RPL36A: variants seen among roughly 807,000 people sequenced by gnomAD.
RPL36A encodes the protein ribosomal protein L36a.
For missense variants in RPL36A, 20 were observed against 81.0 expected, an observed-to-expected ratio of 0.25 and a Z score of 2.89; for synonymous variants, 25 against 28.5, an observed-to-expected ratio of 0.88 and a Z score of 0.39.
Position 101,391,512 on chromosome X carries a change from A to G in RPL36A, c.57A>G (p.Gln19=), listed in dbSNP as rs1188097642. Residue 19 remains glutamine (Q), a synonymous_variant, in exon 2 of 5, where the codon CAA becomes CAG. Transcript: ENST00000553110. ...TCTGTAAGAAGTGTGGCAAGCACCA[A>G]CCCCATAAAGTGACACAGTACAAGA... The part of the protein sequence containing the change: ...RTFCKKCGKH[Q]PHKVTQYKKG... The G allele has an allele frequency of 7.4e-6, 9 of 1,210,050 alleles. No individual in the cohort carries two copies. The highest frequency in any genetic ancestry group is 5.3e-5 in the South Asian group (3 of 56,842).
intron 3 of RPL36A, among the ~76,000 whole-genome samples, chrX:101,394,775 A>ATT (rs1491516704): frequency 4.9e-5 from 4 of 81,631 alleles, no homozygotes; most frequent in African/African-American, 1.6e-4. Flanking sequence ...TTATATATAT[A>ATT]ATATATATAT....
intron 1 of RPL36A, 106 bp from the exon 2 acceptor site, chrX:101,391,353 G>T (rs1927793062): frequency 1.2e-5 from 12 of 966,842 alleles, no homozygotes; most frequent in Non-Finnish European, 1.8e-5. Flanking sequence ...GAGGTAGCAA[G>T]TAATGAGGAG....
At chrX:101,394,792 T>TATA (rs1569301550) in intron 3 of RPL36A, among the ~76,000 whole-genome samples, 1 of 54,009 alleles carries the variant, frequency 1.9e-5, no homozygotes, top group African/African-American at 1.7e-4. Flanking sequence ...ATATATATAT[T>TATA]TTTTTTTTTT....
In RPL36A at chrX:101,391,542, C is replaced by T; in HGVS notation, c.87C>T (p.Gly29=). ...QPHKVTQYKK[G]KDSLYAQGKR... Reference sequence around the variant, plus strand: ...ATAAAGTGACACAGTACAAGAAGGGCAAGGATTCTCTGTACGCCCAGGGTA... The same window carrying T: ...ATAAAGTGACACAGTACAAGAAGGGTAAGGATTCTCTGTACGCCCAGGGTA... Residue 29 remains glycine, a synonymous_variant, in exon 2 of 5, where the codon GGC becomes GGT. Transcript: ENST00000553110. The T allele has an allele frequency of 8.3e-7, 1 of 1,211,562 alleles. No individual in the cohort carries two copies. The highest frequency in any genetic ancestry group is 1.1e-6 in the Non-Finnish European group (1 of 895,326).
At chrX:101,392,611 G>T in intron 3 of RPL36A, 2 of 754,410 alleles carry the variant, frequency 2.7e-6, no homozygotes, top group Admixed American at 1.7e-4. Flanking sequence ...ACTAGCAGCA[G>T]CAGAACTCTG....
Position 101,395,854 on chromosome X carries a change from TC to T in RPL36A, c.*108del. On this transcript the variant is annotated 3_prime_UTR_variant, in exon 5 of 5. Transcript: ENST00000553110. ...AATAAGCTAGAGCCATCAATACAAT[TC>T]CGCTTGTGGGGAAATTTATGCCTCT... 1.3e-6 allele frequency: 1 copy of T among 789,771 alleles called. No homozygotes were observed. The highest frequency in any genetic ancestry group is 2.6e-5 in the South Asian group (1 of 38,457). 65.1% of individuals were successfully genotyped at this position (789,771 alleles called of 1,213,427 possible). A position where few individuals can be genotyped will look rare whatever the true frequency, so the allele number is the denominator to read the frequency against.
chrX:101,392,062 G>A, intron 3 of RPL36A: 2 of 1,150,240 alleles, frequency 1.7e-6, no homozygotes, highest in South Asian at 3.9e-5. Context: ...GCAAAAAATT[G>A]AGGAATGTGC....
In RPL36A at chrX:101,395,852, A is replaced by G. The variant is rs887835371; in HGVS notation, c.*104A>G. On this transcript the variant is annotated 3_prime_UTR_variant, in exon 5 of 5. Transcript: ENST00000553110. ...GGAATAAGCTAGAGCCATCAATACA[A>G]TTCCGCTTGTGGGGAAATTTATGCC... 30 of 795,299 alleles carry G rather than the reference A, an allele frequency of 3.8e-5. No individual in the cohort carries two copies. The highest frequency in any genetic ancestry group is 6.5e-5 in the East Asian group (2 of 30,935). 65.5% of individuals were successfully genotyped at this position (795,299 alleles called of 1,213,427 possible).
rs781925916 is a variant in RPL36A, at chrX:101,391,927, G to A, written c.177+105G>A. 5 of 1,187,963 alleles carry A rather than the reference G, an allele frequency of 4.2e-6. No homozygotes were observed. The South Asian group carries it at 5.6e-5, about 13-fold the overall frequency. On this transcript the variant is annotated intron_variant, in intron 3 of 4. Coordinates refer to ENST00000553110, the MANE Select transcript of RPL36A (RefSeq NM_021029.6). Reference sequence around the variant, plus strand: ...GATATAGGTATAGCGTTAGTTTAGCGAAGTTTTCACTGCACTGATATATCT... The same window carrying A: ...GATATAGGTATAGCGTTAGTTTAGCAAAGTTTTCACTGCACTGATATATCT...
chrX:101,391,899 C>T, intron 3 of RPL36A, 77 bp downstream of exon 3: 1 of 1,194,008 alleles, frequency 8.4e-7, no homozygotes, highest in Non-Finnish European at 1.1e-6. Context: ...CCACACACTT[C>T]ATGATATAGG....
intron 3 of RPL36A, among the ~76,000 whole-genome samples, chrX:101,394,775 A>AATATAT (rs1400063594): frequency 4.9e-5 from 4 of 81,629 alleles, no homozygotes; most frequent in Admixed American, 3.0e-4. Flanking sequence ...TTATATATAT[A>AATATAT]ATATATATAT....
intron 3 of RPL36A, among the ~76,000 whole-genome samples, chrX:101,394,101 G>A (rs947690648): frequency 4.5e-5 from 5 of 111,334 alleles, no homozygotes; most frequent in Non-Finnish European, 9.4e-5. Context: ...AGGCCAAGGC[G>A]GGTGTATCAC....
In RPL36A at chrX:101,391,014, T is replaced by A. The variant is rs1927770936; in HGVS notation, c.-30T>A. 1 of 1,210,974 alleles carries A rather than the reference T, an allele frequency of 8.3e-7. No homozygotes were observed. Among genetic ancestry groups the A allele is most frequent in the Non-Finnish European group, 1.1e-6 (1 of 895,453 alleles). On this transcript the variant is annotated 5_prime_UTR_variant, in exon 1 of 5. Coordinates refer to ENST00000553110, the MANE Select transcript of RPL36A (RefSeq NM_021029.6). Reference sequence around the variant, plus strand: ...ACTTCCGTTTGCCTCGCGGTTTCTTTCTTTCCGCGCCGATAGCGCTCACGC... The same window carrying A: ...ACTTCCGTTTGCCTCGCGGTTTCTTACTTTCCGCGCCGATAGCGCTCACGC...
intron 3 of RPL36A, chrX:101,392,192 T>C (rs1386733822): frequency 1.0e-6 from 1 of 979,667 alleles, no homozygotes; most frequent in Non-Finnish European, 1.3e-6. Context: ...TGTTCTGTTG[T>C]TTCTCATCAC....
chrX:101,395,604 C>T, intron 4 of RPL36A, 124 bp from the exon 5 acceptor site: 2 of 1,093,772 alleles, frequency 1.8e-6, no homozygotes, highest in Non-Finnish European at 2.5e-6. Flanking sequence ...TCTTTTGCTA[C>T]AAGGAGGAAA....
At position 101,391,015 on chromosome X, in the gene RPL36A, C is replaced by G; in HGVS notation, c.-29C>G. The stretch of plus-strand genomic sequence containing the variant: ...CTTCCGTTTGCCTCGCGGTTTCTTT[C>G]TTTCCGCGCCGATAGCGCTCACGCA... On this transcript the variant is annotated 5_prime_UTR_variant, in exon 1 of 5. Coordinates refer to ENST00000553110, the MANE Select transcript of RPL36A (RefSeq NM_021029.6). 2 of 1,212,303 alleles carry G rather than the reference C, an allele frequency of 1.6e-6. No individual in the cohort carries two copies. Among genetic ancestry groups the G allele is most frequent in the Non-Finnish European group, 2.2e-6 (2 of 895,653 alleles).
At position 101,396,015 on chromosome X, in the gene RPL36A, A is replaced by T; in HGVS notation, c.*267A>T. 1 of 339,389 alleles carries T rather than the reference A, an allele frequency of 2.9e-6. No individual in the cohort carries two copies. Among genetic ancestry groups the T allele is most frequent in the South Asian group, 7.1e-5 (1 of 14,032 alleles). 28.0% of individuals were successfully genotyped at this position (339,389 alleles called of 1,213,427 possible). A position where few individuals can be genotyped will look rare whatever the true frequency, so the allele number is the denominator to read the frequency against. ...CATTATGCAATGGTTATTGGTTATC[A>T]TGTGAGTAGACACATTTCAGGCTAA... On this transcript the variant is annotated 3_prime_UTR_variant, in exon 5 of 5. Transcript: ENST00000553110.
chrX:101,391,096 C>G (rs782568957), intron 1 of RPL36A, 50 bp downstream of exon 1: 37 of 1,160,828 alleles, frequency 3.2e-5, no homozygotes, highest in Middle Eastern at 2.4e-4. Context: ...ATCTTTCCCC[C>G]CCTTCGTCGC....
chrX:101,391,327 G>T, intron 1 of RPL36A, 132 bp from the exon 2 acceptor site: 1 of 825,188 alleles, frequency 1.2e-6, no homozygotes, highest in African/African-American at 2.0e-5. Context: ...CATGGGGCTG[G>T]CCCACCCTGT....
Sources: allele counts gnomAD v4.1 joint callset (sites outside exome capture counted in the v4.1 genomes callset), GRCh38; gene constraint gnomAD v4.1.1; transcripts MANE v1.5; gene names NCBI Gene and HGNC (gene_info 2026-07-23, HGNC 2026-07-21).